Variants in HFM1 observed in about 807,000 individuals in gnomAD.
HFM1 encodes helicase for meiosis 1.
A neutral mutation model predicts 192.1 loss-of-function variants in HFM1; 169 were observed. The ratio of observed to expected loss-of-function variants is 0.88; its 90% CI spans 0.78 to 1.00. HFM1 has a LOEUF of 1.00. Ranked by LOEUF, HFM1 falls within the 50% of genes least tolerant of loss-of-function variation. The pLI, the probability that HFM1 is intolerant of heterozygous loss-of-function variation, is 0.00. For synonymous variants in HFM1, 525 were observed against 537.8 expected, an observed-to-expected ratio of 0.98 and a Z score of 0.33; for missense variants, 1,661 against 1,668.0, an observed-to-expected ratio of 1.00 and a Z score of 0.07.
At position 91,350,694 on chromosome 1, in the gene HFM1, C is replaced by A. The variant is rs184591558; in HGVS notation, c.2206+44G>T. ...CTTATTAGTATAAATACAGGCCTAG[C>A]TGGCTTGAAAAAATTACTACTTTTC... On this transcript the variant is annotated intron_variant, in intron 18 of 38. Transcript: ENST00000370425. 138 of 1,589,324 alleles carry A rather than the reference C, an allele frequency of 8.7e-5. 1 individual carries two copies. In the Admixed American group the frequency reaches 2.3e-3, roughly 26 times the overall value.
intron 20 of HFM1, among the ~76,000 whole-genome samples, chr1:91,327,565 C>G (rs939626219): frequency 6.6e-6 from 1 of 152,150 alleles, no homozygotes; most frequent in African/African-American, 2.4e-5. Context: ...CAGCACTGAA[C>G]AGATCATCCA....
intron 30 of HFM1, among the ~76,000 whole-genome samples, chr1:91,289,263 G>T (rs576645153): frequency 6.6e-6 from 1 of 151,518 alleles, no homozygotes; most frequent in Non-Finnish European, 1.5e-5. Context: ...CATCTCAGAC[G>T]GGGCGGCGGG....
At chr1:91,264,359 G>GTTT (rs1466938761) in intron 36 of HFM1, among the ~76,000 whole-genome samples, 13 of 54,062 alleles carry the variant, frequency 2.4e-4, no homozygotes, top group East Asian at 1.8e-3. Context: ...CACAAATTTA[G>GTTT]TATTTTTTTT....
At chr1:91,394,470 A>T (rs888326635) in intron 3 of HFM1, 68 bp from the exon 4 acceptor site, 23 of 956,030 alleles carry the variant, frequency 2.4e-5, no homozygotes, top group Non-Finnish European at 3.4e-5. Context: ...ATGATGATGA[A>T]AAACTTTAAT....
At chr1:91,392,273 T>C (rs1663092563) in intron 4 of HFM1, among the ~76,000 whole-genome samples, 1 of 152,224 alleles carries the variant, frequency 6.6e-6, no homozygotes, top group African/African-American at 2.4e-5. Context: ...TTATAAATCA[T>C]GCTACTATAA....
chr1:91,271,051 T>A (rs1369813996), intron 34 of HFM1, among the ~76,000 whole-genome samples: 2 of 152,150 alleles, frequency 1.3e-5, no homozygotes, highest in African/African-American at 4.8e-5. Context: ...GCTTCTACAA[T>A]TCTACTGGAT....
chr1:91,307,604 C>T (rs549522489), intron 30 of HFM1, among the ~76,000 whole-genome samples: 2 of 152,220 alleles, frequency 1.3e-5, no homozygotes, highest in South Asian at 4.1e-4. Flanking sequence ...TGGTGCACAT[C>T]ACCACACTCA....
At chr1:91,331,778 C>G (rs1653862768) in intron 20 of HFM1, among the ~76,000 whole-genome samples, 1 of 152,128 alleles carries the variant, frequency 6.6e-6, no homozygotes, top group Admixed American at 6.5e-5. Flanking sequence ...CGCCTGTAAT[C>G]CCAGCTACTC....
chr1:91,391,871 T>C (rs1202374614), intron 4 of HFM1, among the ~76,000 whole-genome samples: 1 of 151,602 alleles, frequency 6.6e-6, no homozygotes, highest in Non-Finnish European at 1.5e-5. Flanking sequence ...ATATCCAGAA[T>C]CTACAAAGAA....
chr1:91,271,046 T>C (rs968181359), intron 34 of HFM1, among the ~76,000 whole-genome samples: 1 of 152,150 alleles, frequency 6.6e-6, no homozygotes, highest in Non-Finnish European at 1.5e-5. Flanking sequence ...AAACTGCTTC[T>C]ACAATTCTAC....
chr1:91,293,716 T>C (rs1323419148), intron 30 of HFM1, among the ~76,000 whole-genome samples: 1 of 151,798 alleles, frequency 6.6e-6, no homozygotes, highest in Non-Finnish European at 1.5e-5. Flanking sequence ...CCCAAAGGAC[T>C]ATAAATCATG....
At chr1:91,297,807 A>T (rs1410690468) in intron 30 of HFM1, among the ~76,000 whole-genome samples, 1 of 152,218 alleles carries the variant, frequency 6.6e-6, no homozygotes, top group Non-Finnish European at 1.5e-5. Context: ...CCATCATCAA[A>T]GACCAAAGGT....
intron 2 of HFM1, among the ~76,000 whole-genome samples, chr1:91,397,017 A>G (rs1237752683): frequency 1.3e-5 from 2 of 152,180 alleles, no homozygotes; most frequent in African/African-American, 2.4e-5. Flanking sequence ...TCTAGGTTGC[A>G]TGCTCCTTAT....
At chr1:91,345,849 G>C (rs982659391) in intron 19 of HFM1, among the ~76,000 whole-genome samples, 2 of 152,116 alleles carry the variant, frequency 1.3e-5, no homozygotes, top group African/African-American at 4.8e-5. Flanking sequence ...AGAAGAATCT[G>C]AACAAACAGG....
chr1:91,375,337 T>A, intron 13 of HFM1, 21 bp downstream of exon 13: 2 of 1,573,768 alleles, frequency 1.3e-6, no homozygotes, highest in South Asian at 1.1e-5. Flanking sequence ...TCTACTTCCA[T>A]GAAAAAATAA....
chr1:91,319,025 T>C lies in HFM1; in HGVS notation c.2812+53A>G, dbSNP rs539185804. On this transcript the variant is annotated intron_variant, in intron 25 of 38. Coordinates refer to ENST00000370425, the MANE Select transcript of HFM1 (RefSeq NM_001017975.6). ...ACAGAATAATTTTACTAACAGTGAA[T>C]ACAAAATAAATTGCAGACATGGCCA... is the stretch of plus-strand genomic sequence containing the variant. 9.6e-5 allele frequency: 146 copies of C among 1,517,078 alleles called. No individual in the cohort carries two copies. The South Asian group carries it at 1.8e-3, about 19-fold the overall frequency. 94.0% of individuals were successfully genotyped at this position (1,517,078 alleles called of 1,614,324 possible).
At chr1:91,331,590 T>A (rs1171885323) in intron 20 of HFM1, among the ~76,000 whole-genome samples, 1 of 152,222 alleles carries the variant, frequency 6.6e-6, no homozygotes, top group Non-Finnish European at 1.5e-5. Flanking sequence ...TGAAAGATCT[T>A]TGTAATTAAA....
At position 91,267,873 on chromosome 1, in the gene HFM1, C is replaced by T. The variant is rs1665915809; in HGVS notation, c.3773-18G>A. On this transcript the variant is annotated intron_variant, in intron 34 of 38. Transcript: ENST00000370425. ...CAAAACTTCTGAAAATAGAGAATTG[C>T]TTTTATCTGCATCTGTCAAATGTTG... The T allele has an allele frequency of 2.3e-6, 3 of 1,283,742 alleles. No homozygotes were observed. The East Asian group carries it at 7.2e-5, about 31-fold the overall frequency. 79.5% of individuals were successfully genotyped at this position (1,283,742 alleles called of 1,614,324 possible).
At chr1:91,317,344 G>C (rs1171862963) in intron 25 of HFM1, among the ~76,000 whole-genome samples, 2 of 152,136 alleles carry the variant, frequency 1.3e-5, no homozygotes, top group Admixed American at 6.5e-5. Flanking sequence ...AACCCGAGAG[G>C]CGGAGGTTGC....
Sources: gnomAD v4.1 joint callset for allele counts (sites outside exome capture counted in the v4.1 genomes callset) on GRCh38, gnomAD v4.1.1 for gene constraint, MANE v1.5 for transcripts, NCBI Gene and HGNC (gene_info 2026-07-23, HGNC 2026-07-21) for gene names.